Variants in DNAAF11 observed in about 807,000 individuals in gnomAD.
DNAAF11 encodes the protein leucine rich repeat containing 6.
In DNAAF11, 45 loss-of-function variants were observed where a neutral mutation model predicts 60.8. The observed-to-expected ratio is 0.74, with a 90% CI of 0.58 to 0.95. The LOEUF is 0.95. DNAAF11 is among the 40% of genes least tolerant of loss of function. DNAAF11 has a pLI of 0.00. For synonymous variants in DNAAF11, 191 were observed against 183.5 expected (o/e 1.04, Z -0.33); for missense variants, 546 against 546.2 (o/e 1.00, Z 0.00).
At chr8:132,599,791 AT>A (rs1464203767) in intron 10 of DNAAF11, among the ~76,000 whole-genome samples, 2 of 152,172 alleles carry the variant, frequency 1.3e-5, no homozygotes, top group East Asian at 3.9e-4. Context: ...AATAAGAGCT[AT>A]TTATGACAAA....
the DNAAF11 span, among the ~76,000 whole-genome samples, chr8:132,690,836 A>G: frequency 3.9e-5 from 6 of 152,286 alleles, no homozygotes; most frequent in East Asian, 1.2e-3. Context: ...TTGTGATTAA[A>G]CTGGTTAATG....
At chr8:132,675,624 G>T, upstream of DNAAF11, 1 of 971,978 alleles carries the variant, frequency 1.0e-6, no homozygotes, top group Non-Finnish European at 1.5e-6. Flanking sequence ...CTCTACGGCG[G>T]CCGCGCGGGA....
the DNAAF11 span, among the ~76,000 whole-genome samples, chr8:132,700,833 A>G: frequency 1.3e-5 from 2 of 152,210 alleles, no homozygotes; most frequent in African/African-American, 4.8e-5. Context: ...TGCCCAAAGA[A>G]AAGGGTGTTA....
intron 5 of DNAAF11, among the ~76,000 whole-genome samples, chr8:132,627,753 G>C (rs1181437905): frequency 6.6e-6 from 1 of 152,112 alleles, no homozygotes; most frequent in African/African-American, 2.4e-5. Flanking sequence ...CTTAGGTTCA[G>C]AGTCTTCCTG....
At chr8:132,680,795 T>C in the DNAAF11 span, among the ~76,000 whole-genome samples, 1 of 151,526 alleles carries the variant, frequency 6.6e-6, no homozygotes, top group Admixed American at 6.6e-5. Flanking sequence ...CTTCTTTATT[T>C]CCATCAGCAT....
chr8:132,598,906 C>T (rs374632999), intron 10 of DNAAF11, among the ~76,000 whole-genome samples: 7 of 152,002 alleles, frequency 4.6e-5, no homozygotes, highest in African/African-American at 1.4e-4. Context: ...TAGCAGAAGG[C>T]GAGAAATAAC....
chr8:132,665,220 C>G (rs1253939339), intron 1 of DNAAF11, among the ~76,000 whole-genome samples: 1 of 151,912 alleles, frequency 6.6e-6, no homozygotes, highest in Non-Finnish European at 1.5e-5. Flanking sequence ...TAATGGCAAA[C>G]ATCAGAACAA....
chr8:132,576,749 A>C (rs1393296791), intron 11 of DNAAF11, among the ~76,000 whole-genome samples: 1 of 152,192 alleles, frequency 6.6e-6, no homozygotes, highest in Non-Finnish European at 1.5e-5. Flanking sequence ...ATCCAAAATA[A>C]AAAACAAGTC....
intron 1 of DNAAF11, among the ~76,000 whole-genome samples, chr8:132,664,018 T>C (rs1393345901): frequency 1.3e-5 from 2 of 152,210 alleles, no homozygotes; most frequent in African/African-American, 4.8e-5. Context: ...CCATGCTCTG[T>C]CATAGAACTC....
intron 7 of DNAAF11, among the ~76,000 whole-genome samples, chr8:132,620,454 C>G (rs892539007): frequency 6.6e-6 from 1 of 152,186 alleles, no homozygotes; most frequent in Non-Finnish European, 1.5e-5. Flanking sequence ...CGTGTCCCAG[C>G]CTTCCGAGTG....
intron 1 of DNAAF11, among the ~76,000 whole-genome samples, chr8:132,663,427 T>C (rs1824323400): frequency 6.6e-6 from 1 of 152,174 alleles, no homozygotes; most frequent in African/African-American, 2.4e-5. Context: ...GTAAAGTAAA[T>C]GTATGATCTA....
At chr8:132,595,843 G>A (rs532052135) in intron 10 of DNAAF11, among the ~76,000 whole-genome samples, 8 of 152,316 alleles carry the variant, frequency 5.3e-5, no homozygotes, top group African/African-American at 1.7e-4. Context: ...GAATAGAGCA[G>A]GGCAAACCGT....
At chr8:132,668,976 A>G (rs1372719690) in intron 1 of DNAAF11, among the ~76,000 whole-genome samples, 1 of 152,174 alleles carries the variant, frequency 6.6e-6, no homozygotes, top group Non-Finnish European at 1.5e-5. Flanking sequence ...CTTTCCTGGG[A>G]AAGTCCACAT....
At chr8:132,689,451 A>G in the DNAAF11 span, among the ~76,000 whole-genome samples, 2 of 152,218 alleles carry the variant, frequency 1.3e-5, no homozygotes. Context: ...CAAAAATACA[A>G]AGATACACAA....
At chr8:132,576,916 T>C (rs1814810938) in intron 11 of DNAAF11, among the ~76,000 whole-genome samples, 2 of 152,170 alleles carry the variant, frequency 1.3e-5, no homozygotes, top group African/African-American at 4.8e-5. Flanking sequence ...AGGCTGAAGC[T>C]GAGGGTCAGG....
chr8:132,625,227 T>G (rs1265151456), intron 6 of DNAAF11, 45 bp downstream of exon 6: 1 of 1,409,198 alleles, frequency 7.1e-7, no homozygotes, highest in Non-Finnish European at 9.7e-7. Flanking sequence ...AAAATATAGT[T>G]GATAAGTGGC....
At chr8:132,628,131 TGGCTGG>T (rs752158287) in intron 5 of DNAAF11, among the ~76,000 whole-genome samples, 1 of 152,064 alleles carries the variant, frequency 6.6e-6, no homozygotes, top group African/African-American at 2.4e-5. Flanking sequence ...TTCACAAATC[TGGCTGG>T]GTGGGGTGGC....
At chr8:132,684,755 T>G in the DNAAF11 span, among the ~76,000 whole-genome samples, 2 of 152,260 alleles carry the variant, frequency 1.3e-5, no homozygotes, top group South Asian at 4.1e-4. Context: ...CCATAATTCA[T>G]GTGAGCTCCC....
intron 3 of DNAAF11, among the ~76,000 whole-genome samples, chr8:132,638,663 G>A (rs1451446596): frequency 6.6e-6 from 1 of 152,098 alleles, no homozygotes; most frequent in Non-Finnish European, 1.5e-5. Flanking sequence ...ACCAAGAACT[G>A]AACTGAAGGT....
Sources: allele counts gnomAD v4.1 joint callset (sites outside exome capture counted in the v4.1 genomes callset), GRCh38; gene constraint gnomAD v4.1.1; transcripts MANE v1.5; gene names NCBI Gene and HGNC (gene_info 2026-07-23, HGNC 2026-07-21).